Variants in IL19 observed in about 807,000 individuals in gnomAD.
IL19 encodes the protein interleukin-19.
IL19 carries 15 observed loss-of-function variants against 19.5 expected under a neutral mutation model. That is an observed-to-expected ratio of 0.77 (90% CI 0.52 to 1.19). The LOEUF (loss-of-function observed/expected upper bound fraction) is 1.19. Ranked by LOEUF, IL19 falls within the 50% of genes most tolerant of loss-of-function variation. The pLI is 0.00. For missense variants in IL19, 199 were observed against 213.1 expected, an observed-to-expected ratio of 0.93 and a Z score of 0.41; for synonymous variants, 78 against 78.3, an observed-to-expected ratio of 1.00 and a Z score of 0.02.
At chr1:206,772,820 G>A (rs962942737) in intron 1 of IL19, among the ~76,000 whole-genome samples, 2 of 152,260 alleles carry the variant, frequency 1.3e-5, no homozygotes, top group Non-Finnish European at 1.5e-5. Flanking sequence ...GTTCTCATTC[G>A]CGTGTTCCTA....
chr1:206,825,870 G>A (rs550862121), intron 2 of IL19, among the ~76,000 whole-genome samples: 59 of 152,326 alleles, frequency 3.9e-4, no homozygotes, highest in African/African-American at 1.3e-3. Context: ...GACCCAGTAT[G>A]TGCTACATTT....
At chr1:206,797,285 A>AGAATTCTG in intron 1 of IL19, among the ~76,000 whole-genome samples, 1 of 151,828 alleles carries the variant, frequency 6.6e-6, no homozygotes, top group African/African-American at 2.4e-5. Flanking sequence ...CAACTGGTGT[A>AGAATTCTG]GAATTCTCAG....
In IL19 at chr1:206,837,041, CTTTTTCCAG is replaced by C. The variant is rs1369688111; in HGVS notation, c.210+20_210+28del. 6.3e-7 allele frequency: 1 copy of C among 1,593,424 alleles called. No homozygotes were observed. Among genetic ancestry groups the C allele is most frequent in the Non-Finnish European group, 8.6e-7 (1 of 1,161,780 alleles). ...TCATTAAGGTATTGGCCTGTGTCTGCTTTTTCCAGTATTTTTATCTTCATGTCTAAATGG... is the reference window on the plus strand; with the variant it reads ...TCATTAAGGTATTGGCCTGTGTCTGCTATTTTTATCTTCATGTCTAAATGG... On this transcript the variant is annotated intron_variant, in intron 4 of 6. Coordinates refer to ENST00000659997, the MANE Select transcript of IL19 (RefSeq NM_153758.5).
chr1:206,808,867 A>G (rs1247553840), intron 2 of IL19, among the ~76,000 whole-genome samples: 2 of 152,186 alleles, frequency 1.3e-5, no homozygotes, highest in Non-Finnish European at 2.9e-5. Flanking sequence ...TGTAGTGAAG[A>G]GGCTGCAGGG....
rs372615212 is a variant in IL19, at chr1:206,839,915, T to C, written c.276T>C (p.Asp92=). ...LAFYVDRVFK[D]HQEPNPKILR... ...TCTACGTGGACAGGGTGTTCAAGGA[T>C]CATCAGGAGCCAAACCCCAAAATCT... is the stretch of plus-strand genomic sequence containing the variant. The change falls in exon 5 of 7, where the codon GAT becomes GAC. Residue 92 remains aspartate, a synonymous_variant. Transcript: ENST00000659997. The C allele has an allele frequency of 9.3e-6, 15 of 1,613,982 alleles. No individual in the cohort carries two copies. The highest frequency in any genetic ancestry group is 1.3e-5 in the Non-Finnish European group (15 of 1,179,992).
At chr1:206,797,185 T>A (rs748717456) in intron 1 of IL19, among the ~76,000 whole-genome samples, 1 of 152,082 alleles carries the variant, frequency 6.6e-6, no homozygotes, top group Non-Finnish European at 1.5e-5. Context: ...TTGTCCGGGG[T>A]CATAGTGACA....
chr1:206,774,564 T>A (rs1354061383), intron 1 of IL19, among the ~76,000 whole-genome samples: 1 of 152,190 alleles, frequency 6.6e-6, no homozygotes, highest in Non-Finnish European at 1.5e-5. Flanking sequence ...GGTTCTGGAC[T>A]CTGGGTGAGG....
intron 2 of IL19, among the ~76,000 whole-genome samples, chr1:206,813,475 T>A (rs917822487): frequency 6.6e-6 from 1 of 152,148 alleles, no homozygotes; most frequent in Non-Finnish European, 1.5e-5. Context: ...AGCCAGCCAG[T>A]GTCTCTTCTG....
Position 206,815,270 on chromosome 1 carries a change from C to A in IL19, c.-3+16264C>A, listed in dbSNP as rs180869466. ...AGTCTTAATGTCTGGACCAAAAAAA[C>A]TTGGTTCTGCTGCATTCTATCAGTT... On this transcript the variant is annotated intron_variant, in intron 2 of 6. Transcript: ENST00000659997. Among the ~76,000 whole-genome samples the A allele has an allele frequency of 2.8e-3, 429 of 152,234 alleles. 9 individuals are homozygous for A. Among genetic ancestry groups the A allele is most frequent in the Admixed American group, 0.027 (409 of 15,300 alleles).
intron 4 of IL19, 67 bp downstream of exon 4, chr1:206,837,090 A>G: frequency 8.0e-7 from 1 of 1,250,284 alleles, no homozygotes; most frequent in Admixed American, 1.8e-5. Context: ...GGGCTGAGAA[A>G]GAAATCCCTA....
At chr1:206,809,321 A>G (rs1675939459) in intron 2 of IL19, among the ~76,000 whole-genome samples, 1 of 152,164 alleles carries the variant, frequency 6.6e-6, no homozygotes, top group South Asian at 2.1e-4. Flanking sequence ...TCCACATGTG[A>G]TAGGCTTTTT....
intron 1 of IL19, among the ~76,000 whole-genome samples, chr1:206,778,752 G>T (rs1256325182): frequency 6.6e-6 from 1 of 152,148 alleles, no homozygotes. Context: ...CCTTCATCCA[G>T]TGCACCCTCG....
At position 206,802,905 on chromosome 1, in the gene IL19, G is replaced by A. The variant is rs191988743; in HGVS notation, c.-3+3899G>A. 1.4e-3 allele frequency among the ~76,000 whole-genome samples: 215 copies of A among 152,308 alleles called. 3 individuals are homozygous for A. The South Asian group carries it at 0.016, about 11-fold the overall frequency. ...GAAGACGAGGGGACAGGAAAGCAAGGGGAATGTCAAAGAAATAAGGGGCCT... is the reference window on the plus strand; with the variant it reads ...GAAGACGAGGGGACAGGAAAGCAAGAGGAATGTCAAAGAAATAAGGGGCCT... On this transcript the variant is annotated intron_variant, in intron 2 of 6. Coordinates refer to ENST00000659997, the MANE Select transcript of IL19 (RefSeq NM_153758.5).
In IL19 at chr1:206,771,002, TCA is replaced by T; in HGVS notation, c.-223_-222del. On this transcript the variant is annotated 5_prime_UTR_variant, in exon 1 of 7. An upstream open reading frame in the 5' UTR loses its in-frame stop. Transcript: ENST00000659997. ...GGGTCTTGGTTCTCAGCTTGGGGCA[TCA>T]CCTCCTCCAGGTAAAACTGGATCAT... 6.2e-7 allele frequency: 1 copy of T among 1,614,112 alleles called. No individual in the cohort carries two copies. The highest frequency in any genetic ancestry group is 8.5e-7 in the Non-Finnish European group (1 of 1,179,980).
At chr1:206,801,162 C>T (rs940806540) in intron 2 of IL19, among the ~76,000 whole-genome samples, 66 of 134,688 alleles carry the variant, frequency 4.9e-4, no homozygotes, top group African/African-American at 1.8e-3. Flanking sequence ...GTTGTCCATT[C>T]GTAGTTTAAA....
intron 1 of IL19, among the ~76,000 whole-genome samples, chr1:206,779,856 CT>C (rs386369445): frequency 0.017 from 2,452 of 145,246 alleles, 55 homozygotes; most frequent in African/African-American, 0.051. Flanking sequence ...CTCTCTCTCT[CT>C]TTTTTTTTTT....
At chr1:206,794,392 T>A (rs992268913) in intron 1 of IL19, among the ~76,000 whole-genome samples, 1 of 152,146 alleles carries the variant, frequency 6.6e-6, no homozygotes, top group Admixed American at 6.5e-5. Flanking sequence ...TGTCACCTGT[T>A]CCATGACTCC....
chr1:206,802,746 A>G (rs998906230), intron 2 of IL19, among the ~76,000 whole-genome samples: 5 of 150,894 alleles, frequency 3.3e-5, no homozygotes, highest in Non-Finnish European at 5.9e-5. Flanking sequence ...CCTTCCCTGT[A>G]TAGTTCTGCT....
At chr1:206,807,027 G>A (rs1380306261) in intron 2 of IL19, among the ~76,000 whole-genome samples, 1 of 152,144 alleles carries the variant, frequency 6.6e-6, no homozygotes, top group Non-Finnish European at 1.5e-5. Flanking sequence ...GAGGCCTCAG[G>A]AAACTTACAA....
Sources: allele counts gnomAD v4.1 joint callset (sites outside exome capture counted in the v4.1 genomes callset), GRCh38; gene constraint gnomAD v4.1.1; transcripts MANE v1.5; gene names NCBI Gene and HGNC (gene_info 2026-07-23, HGNC 2026-07-21).